Variants in RAB11FIP5 observed in about 807,000 individuals in gnomAD.
RAB11FIP5 encodes RAB11 family interacting protein 5.
A neutral mutation model predicts 85.1 loss-of-function variants in RAB11FIP5; 48 were observed. That is an observed-to-expected ratio of 0.56 (90% CI 0.45 to 0.72). The LOEUF (loss-of-function observed/expected upper bound fraction) is 0.72. RAB11FIP5 is among the 30% of genes least tolerant of loss of function. RAB11FIP5 has a pLI of 0.00. For missense variants in RAB11FIP5, 1,491 were observed against 1,687.0 expected (o/e 0.88, Z 2.04); for synonymous variants, 729 against 727.3 (o/e 1.00, Z -0.04).
At position 73,074,689 on chromosome 2, in the gene RAB11FIP5, T is replaced by C. The variant is rs1046183; in HGVS notation, c.*832A>G. ...TTGGCATCTGGACAGGCAACAAGAA[T>C]AGACATGGAGGCTTGATCCCCAAAT... On this transcript the variant is annotated 3_prime_UTR_variant, in exon 6 of 6. Coordinates refer to ENST00000486777, the MANE Select transcript of RAB11FIP5 (RefSeq NM_001371272.1). 0.15 allele frequency: 23,439 copies of C among 158,854 alleles called. 2,079 individuals are homozygous for C. Among genetic ancestry groups the C allele is most frequent in the East Asian group, 0.41 (2,210 of 5,340 alleles). 9.8% of individuals were successfully genotyped at this position (158,854 alleles called of 1,614,324 possible). A position where few individuals can be genotyped will look rare whatever the true frequency, so the allele number is the denominator to read the frequency against.
intron 3 of RAB11FIP5, among the ~76,000 whole-genome samples, chr2:73,084,595 T>C (rs1432403832): frequency 6.6e-6 from 1 of 152,188 alleles, no homozygotes; most frequent in African/African-American, 2.4e-5. Context: ...CTCTGAACAA[T>C]TGGTTGAACC....
rs1174310221 is a variant in RAB11FIP5, at chr2:73,089,230, G to A, written c.517C>T (p.Leu173=). The change falls in exon 2 of 6, where the codon CTG becomes TTG. Residue 173 remains leucine, a synonymous_variant. Transcript: ENST00000486777. This position sits in a 1 kb window ranked among gnomAD's most constrained non-coding sequence, Gnocchi z 4.6. ...GACAGGTCAAACATACTGGCGCTCA[G>A]GTTGTTGCGCGTGAACTGGATGGTG... is the stretch of plus-strand genomic sequence containing the variant. ...EVTIQFTRNN[L]SASMFDLSMK... 6.2e-7 allele frequency: 1 copy of A among 1,614,062 alleles called. No individual in the cohort carries two copies. The highest frequency in any genetic ancestry group is 1.3e-5 in the African/African-American group (1 of 74,914).
In RAB11FIP5 at chr2:73,081,467, GGGTGGCTTCAGGGGCGGCGGT is replaced by G; in HGVS notation, c.1744_1764del (p.Thr582_Thr588del). 8.1e-7 allele frequency: 1 copy of G among 1,234,378 alleles called. No individual in the cohort carries two copies. Among genetic ancestry groups the G allele is most frequent in the Non-Finnish European group, 1.0e-6 (1 of 989,360 alleles). 76.5% of individuals were successfully genotyped at this position (1,234,378 alleles called of 1,614,324 possible). ...TTGGTAAGACCCAATAATCCAGGTGGGGTGGCTTCAGGGGCGGCGGTGGTGGCGGCAGCGGCAGCAGTGGCA... is the reference window on the plus strand; with the variant it reads ...TTGGTAAGACCCAATAATCCAGGTGGGGTGGCGGCAGCGGCAGCAGTGGCA... On this transcript the variant is annotated inframe_deletion, in exon 4 of 6. Transcript: ENST00000486777. The surrounding 1 kb of genome is among the most constrained non-coding windows in gnomAD (Gnocchi z 4.2).
intron 1 of RAB11FIP5, among the ~76,000 whole-genome samples, chr2:73,109,547 C>A (rs1684600899): frequency 6.6e-6 from 1 of 152,190 alleles, no homozygotes; most frequent in Admixed American, 6.5e-5. Context: ...GGTTTTTAAG[C>A]CCTGGGCCAT....
At chr2:73,098,405 G>A (rs1684364491) in intron 1 of RAB11FIP5, among the ~76,000 whole-genome samples, 1 of 152,168 alleles carries the variant, frequency 6.6e-6, no homozygotes. Flanking sequence ...TTTGGAATAC[G>A]GGATCTTCAA....
rs567054358 is a variant in RAB11FIP5, at chr2:73,100,511, C to T, written c.432-11196G>A. Among the ~76,000 whole-genome samples the T allele has an allele frequency of 6.7e-5, 10 of 150,006 alleles. No homozygotes were observed. The East Asian group carries it at 1.0e-3, about 15-fold the overall frequency. The stretch of plus-strand genomic sequence containing the variant: ...TACAATCTCAGCTCACTGCAATCTC[C>T]GCCTTCCAGGTTCAAGCAATTCTTA... On this transcript the variant is annotated intron_variant, in intron 1 of 5. Coordinates refer to ENST00000486777, the MANE Select transcript of RAB11FIP5 (RefSeq NM_001371272.1).
In RAB11FIP5 at chr2:73,089,882, TACACACACACACAC is replaced by T. The variant is rs58907775; in HGVS notation, c.432-581_432-568del. On this transcript the variant is annotated intron_variant, in intron 1 of 5. Transcript: ENST00000486777. This position sits in a 1 kb window ranked among gnomAD's most constrained non-coding sequence, Gnocchi z 4.6. ...GCTAGTGCATACACTCATGTATGTA[TACACACACACACAC>T]ACACACACACACACACACACCTCAC... Among the ~76,000 whole-genome samples, 20 of 148,240 alleles carry T rather than the reference TACACACACACACAC, an allele frequency of 1.3e-4. No individual in the cohort carries two copies. Among genetic ancestry groups the T allele is most frequent in the African/African-American group, 3.2e-4 (13 of 40,268 alleles).
intron 1 of RAB11FIP5, among the ~76,000 whole-genome samples, chr2:73,111,173 C>A (rs1005186950): frequency 6.6e-6 from 1 of 152,142 alleles, no homozygotes; most frequent in African/African-American, 2.4e-5. Context: ...CCATCCCAGA[C>A]CACAGAGAGC....
rs1684150298 is a variant in RAB11FIP5, at chr2:73,088,932, G to A, written c.815C>T (p.Ala272Val). The change falls in exon 2 of 6, where the codon GCC becomes GTC. Residue 272 changes from alanine to valine, a missense_variant. By Grantham distance (64) the Ala-to-Val change is moderately conservative. Around this residue, in one of 3 missense-constraint regions of RAB11FIP5, gnomAD observed 1,211 missense variants for 1,338.0 expected, o/e 0.91. Coordinates refer to ENST00000486777, the MANE Select transcript of RAB11FIP5 (RefSeq NM_001371272.1). ...GCTTGGTGAGCGGGTGAGGAGTTCG[G>A]CGCCAGGTCCCTGGTAGGCCAAGCT... ...SGSLAYQGPG[A>V]ELLTRSPSRS... 6.2e-7 allele frequency: 1 copy of A among 1,603,318 alleles called. No individual in the cohort carries two copies. Among genetic ancestry groups the A allele is most frequent in the Non-Finnish European group, 8.5e-7 (1 of 1,174,460 alleles).
At chr2:73,107,922 A>G (rs964881852) in intron 1 of RAB11FIP5, among the ~76,000 whole-genome samples, 3 of 152,170 alleles carry the variant, frequency 2.0e-5, no homozygotes, top group Non-Finnish European at 2.9e-5. Context: ...GTCACGCACC[A>G]TCTGCCCACC....
At chr2:73,107,712 G>A (rs527986882) in intron 1 of RAB11FIP5, among the ~76,000 whole-genome samples, 1 of 152,318 alleles carries the variant, frequency 6.6e-6, no homozygotes, top group Non-Finnish European at 1.5e-5. Flanking sequence ...GGGCCGTGGA[G>A]CCTCGGCATA....
intron 1 of RAB11FIP5, among the ~76,000 whole-genome samples, chr2:73,098,176 T>G (rs1477140460): frequency 1.3e-5 from 2 of 152,122 alleles, no homozygotes; most frequent in Non-Finnish European, 2.9e-5. Flanking sequence ...ATCTATAAAA[T>G]GATGGTAGCA....
Position 73,080,420 on chromosome 2 carries a change from A to T in RAB11FIP5, c.2812T>A (p.Ser938Thr), listed in dbSNP as rs553738551. The change falls in exon 4 of 6, where the codon TCC becomes ACC. Residue 938 changes from serine to threonine, a missense_variant. Physicochemically the swap from Ser to Thr is moderately conservative, Grantham distance 58. This residue lies in a region of RAB11FIP5 where 1,211 missense variants were observed against 1,338.0 expected (regional missense o/e 0.91). Coordinates refer to ENST00000486777, the MANE Select transcript of RAB11FIP5 (RefSeq NM_001371272.1). Reference sequence around the variant, plus strand: ...GGACCGACAACCAGTGCACTTGGGGAGGCATCTTCTCCCTCTGTCTCCGGC... The same window carrying T: ...GGACCGACAACCAGTGCACTTGGGGTGGCATCTTCTCCCTCTGTCTCCGGC... The part of the protein sequence containing the change: ...RGPETEGEDA[S>T]PSALVVGPPE... 12 of 1,233,112 alleles carry T rather than the reference A, an allele frequency of 9.7e-6. No homozygotes were observed. The highest frequency in any genetic ancestry group is 8.2e-5 in the South Asian group (2 of 24,324). The allele number at this position is 1,233,112 out of a possible 1,614,324, so 76.4% of individuals were successfully genotyped here.
At chr2:73,107,817 G>A (rs1684560149) in intron 1 of RAB11FIP5, among the ~76,000 whole-genome samples, 1 of 152,176 alleles carries the variant, frequency 6.6e-6, no homozygotes, top group African/African-American at 2.4e-5. Context: ...CAGCTCTGGG[G>A]CCGAGCAGGA....
chr2:73,085,626 C>A (rs1287434566), intron 3 of RAB11FIP5, among the ~76,000 whole-genome samples: 1 of 152,162 alleles, frequency 6.6e-6, no homozygotes, highest in South Asian at 2.1e-4. Flanking sequence ...CTGGTAGGGG[C>A]CCAGTGTGAC....
At chr2:73,083,141 T>C (rs2106105790) in intron 3 of RAB11FIP5, among the ~76,000 whole-genome samples, 1 of 152,334 alleles carries the variant, frequency 6.6e-6, no homozygotes, top group South Asian at 2.1e-4. Flanking sequence ...GAAGCCGGGC[T>C]TTGGCCAGCC....
intron 1 of RAB11FIP5, among the ~76,000 whole-genome samples, chr2:73,105,547 C>G (rs550179807): frequency 6.6e-6 from 1 of 152,078 alleles, no homozygotes; most frequent in Non-Finnish European, 1.5e-5. Context: ...CCAGCCCTCA[C>G]TCCACTCCCG....
chr2:73,084,086 T>G (rs1684049887), intron 3 of RAB11FIP5: 1 of 152,046 alleles, frequency 6.6e-6, no homozygotes, highest in Non-Finnish European at 1.5e-5. Flanking sequence ...AACCTCCCTC[T>G]CCCGGCCAGC....
chr2:73,075,440 T>G lies in RAB11FIP5; in HGVS notation c.*81A>C. Reference sequence around the variant, plus strand: ...CAAGGCAAGACAGACGATGCCCCACTGCAGATGAGAGAGTTCAGGAGGAGA... The same window carrying G: ...CAAGGCAAGACAGACGATGCCCCACGGCAGATGAGAGAGTTCAGGAGGAGA... On this transcript the variant is annotated 3_prime_UTR_variant, in exon 6 of 6. Coordinates refer to ENST00000486777, the MANE Select transcript of RAB11FIP5 (RefSeq NM_001371272.1). This position sits in a 1 kb window ranked among gnomAD's most constrained non-coding sequence, Gnocchi z 4.6. The G allele has an allele frequency of 1.5e-6, 2 of 1,369,758 alleles. No individual in the cohort carries two copies. Among genetic ancestry groups the G allele is most frequent in the Non-Finnish European group, 2.1e-6 (2 of 957,394 alleles). The allele number at this position is 1,369,758 out of a possible 1,614,324, so 84.9% of individuals were successfully genotyped here.
Sources: allele counts gnomAD v4.1 joint callset (sites outside exome capture counted in the v4.1 genomes callset), GRCh38; gene constraint gnomAD v4.1.1; regional missense constraint gnomAD v4.1.1; non-coding constraint Gnocchi (gnomAD v3.1); transcripts MANE v1.5; gene names NCBI Gene and HGNC (gene_info 2026-07-23, HGNC 2026-07-21).